The following ZAN variants were observed in gnomAD, a reference collection of about 807,000 sequenced individuals.
ZAN encodes the protein zonadhesin.
In ZAN, 260 loss-of-function variants were observed where a neutral mutation model predicts 286.2. The observed-to-expected ratio is 0.91, with a 90% CI of 0.82 to 1.01. ZAN has a LOEUF of 1.01. Among genes scored for constraint, ZAN ranks in the 50% least tolerant of loss-of-function variants. ZAN has a pLI of 0.00. For missense variants in ZAN, 3,410 were observed against 3,639.2 expected, an observed-to-expected ratio of 0.94 and a Z score of 1.62; for synonymous variants, 1,368 against 1,417.5, an observed-to-expected ratio of 0.97 and a Z score of 0.79.
rs774658180 is a variant in ZAN at position 100,797,592 on chromosome 7, G to A, written c.8382G>A (p.Glu2794=). Residue 2794 remains glutamate (E), a synonymous_variant, in exon 47 of 48, where the codon GAG becomes GAA. Coordinates refer to ENST00000613979, the MANE Select transcript of ZAN (RefSeq NM_003386.3). ...RTRRKREKTQ[E]GDRLARLVDT... is the part of the protein sequence containing the mutation. The stretch of plus-strand genomic sequence containing the variant: ...TGCCTTCTAGAGAGAAAACGCAGGA[G>A]GGAGACAGACTGGCCAGGCTGGTGG... 1 of 1,613,912 alleles carries A rather than the reference G, an allele frequency of 6.2e-7. No homozygotes were observed.
In ZAN at chr7:100,791,910, C is replaced by T; in HGVS notation, c.7530-56C>T. The T allele has an allele frequency of 2.6e-6, 4 of 1,537,356 alleles. No homozygotes were observed. The Admixed American group carries it at 6.0e-5, about 23-fold the overall frequency. On this transcript the variant is annotated intron_variant, in intron 40 of 47. Transcript: ENST00000613979. ...GCCCGGCTAATCAGTTCTTCTTCTT[C>T]CCCCACTTCACCTTCCTTGGGGCCT...
Position 100,759,723 on chromosome 7 carries a change from C to G in ZAN, c.3574C>G (p.Pro1192Ala), listed in dbSNP as rs768558837. 3.8e-6 allele frequency: 6 copies of G among 1,585,200 alleles called. No homozygotes were observed. The South Asian group carries it at 5.8e-5, about 15-fold the overall frequency. The change falls in exon 18 of 48, where the codon CCA (proline) becomes GCA (alanine). Residue 1192 changes from proline (P) to alanine (A), a missense_variant and splice_region_variant. This residue lies in a region of ZAN where 1,042 missense variants were observed against 1,058.0 expected (regional missense o/e 0.98). Coordinates refer to ENST00000613979, the MANE Select transcript of ZAN (RefSeq NM_003386.3). Reference protein sequence around the residue: ...LAQPCGNSTDPFFRVTAKNEE... With the variant: ...LAQPCGNSTDAFFRVTAKNEE... ...TCTTCATTCCTCTCCCTACCCAGACCCATTCTTCAGGGTGACAGCCAAGAA... is the reference window on the plus strand; with the variant it reads ...TCTTCATTCCTCTCCCTACCCAGACGCATTCTTCAGGGTGACAGCCAAGAA...
chr7:100,780,425 G>C (rs1811124416), intron 35 of ZAN, among the ~76,000 whole-genome samples: 1 of 151,890 alleles, frequency 6.6e-6, no homozygotes. Flanking sequence ...TATAATCTCA[G>C]CAATTTGGGA....
chr7:100,760,600 C>T, intron 19 of ZAN, 64 bp downstream of exon 19: 2 of 1,586,580 alleles, frequency 1.3e-6, no homozygotes, highest in Non-Finnish European at 1.7e-6. Context: ...GCTGCCTCTT[C>T]TTCCTGCTGC....
intron 23 of ZAN, among the ~76,000 whole-genome samples, 162 bp downstream of exon 23, chr7:100,765,716 T>C (rs1291562937): frequency 1.3e-5 from 2 of 152,258 alleles, no homozygotes; most frequent in African/African-American, 4.8e-5. Context: ...TGGCACGATC[T>C]CGGCTCACTG....
At chr7:100,760,734 T>G (rs540877135) in intron 19 of ZAN, among the ~76,000 whole-genome samples, 198 bp downstream of exon 19, 2 of 152,226 alleles carry the variant, frequency 1.3e-5, no homozygotes, top group African/African-American at 4.8e-5. Flanking sequence ...AGAAAATGGT[T>G]TCGGGGCATG....
At position 100,740,018 on chromosome 7, in the gene ZAN, C is replaced by T. The variant is rs974007517; in HGVS notation, c.766+1405C>T. ...GTCACATTCAGGACACATTTGAGCA[C>T]GAACTTGAAAAAGGTGAGGTAGTAG... On this transcript the variant is annotated intron_variant, in intron 7 of 47. Transcript: ENST00000613979. Among the ~76,000 whole-genome samples, 17 of 141,252 alleles carry T rather than the reference C, an allele frequency of 1.2e-4. 2 individuals carry two copies. Among genetic ancestry groups the T allele is most frequent in the Admixed American group, 1.4e-4 (2 of 14,186 alleles). The allele number at this position is 141,252 out of a possible 152,430, so 92.7% of individuals were successfully genotyped here.
Position 100,772,008 on chromosome 7 carries a change from A to T in ZAN, c.5413A>T (p.Arg1805Ter). The T allele has an allele frequency of 6.2e-7, 1 of 1,600,852 alleles. No homozygotes were observed. The highest frequency in any genetic ancestry group is 8.5e-7 in the Non-Finnish European group (1 of 1,175,968). ...QAGQAPAWRN[R>*]TFCPMRCPPG... ...TGGCCAGGCCCCTGCCTGGCGGAACAGAACCTTCTGCCGTGAGTGACTGGC... is the reference window on the plus strand; with the variant it reads ...TGGCCAGGCCCCTGCCTGGCGGAACTGAACCTTCTGCCGTGAGTGACTGGC... The change falls in exon 29 of 48, where the codon AGA becomes TGA. Residue 1805 changes from arginine (R) to a stop codon, truncating the protein, a stop_gained. Transcript: ENST00000613979. LOFTEE classifies it high-confidence loss of function.
intron 35 of ZAN, among the ~76,000 whole-genome samples, chr7:100,783,262 C>CT (rs1039584485): frequency 1.8e-4 from 27 of 151,982 alleles, no homozygotes; most frequent in African/African-American, 6.3e-4. Context: ...GAGCGAAACT[C>CT]TATCTCAAAA....
chr7:100,737,304 A>T lies in ZAN; in HGVS notation c.568A>T (p.Ile190Phe), dbSNP rs1200573012. ...GTRGSTAYLD[I>F]ALDALSIRRG... ...ACGGGGTAGCACTGCCTACCTGGAC[A>T]TCGCCCTGGATGCCCTCTCTATCCG... The change falls in exon 6 of 48, where the codon ATC (isoleucine) becomes TTC (phenylalanine). Residue 190 changes from isoleucine to phenylalanine, a missense_variant. By Grantham distance (21) the Ile-to-Phe change is conservative. Around this residue, in one of 7 missense-constraint regions of ZAN, gnomAD observed 872 missense variants for 938.9 expected, o/e 0.93. Transcript: ENST00000613979. 6.7e-7 allele frequency: 1 copy of T among 1,488,374 alleles called. No individual in the cohort carries two copies. Among genetic ancestry groups the T allele is most frequent in the African/African-American group, 1.4e-5 (1 of 70,164 alleles). The allele number at this position is 1,488,374 out of a possible 1,614,324, so 92.2% of individuals were successfully genotyped here. A position where few individuals can be genotyped will look rare whatever the true frequency, so the allele number is the denominator to read the frequency against.
At chr7:100,754,947 T>C (rs995665204) in intron 14 of ZAN, among the ~76,000 whole-genome samples, 1 of 151,812 alleles carries the variant, frequency 6.6e-6, no homozygotes, top group Non-Finnish European at 1.5e-5. Context: ...TAGCCTAAAA[T>C]TGTTTTATTT....
At chr7:100,760,255 C>T (rs1809460327) in intron 18 of ZAN, 136 bp from the exon 19 acceptor site, 4 of 1,182,850 alleles carry the variant, frequency 3.4e-6, no homozygotes, top group South Asian at 1.5e-5. Context: ...GAGGAAGCTC[C>T]AGTCCACTCC....
intron 39 of ZAN, among the ~76,000 whole-genome samples, chr7:100,789,666 C>T (rs998152722): frequency 1.3e-4 from 19 of 151,862 alleles, no homozygotes; most frequent in Admixed American, 2.0e-4. Context: ...TTTTAAAGGC[C>T]GTGCACAGTG....
At chr7:100,742,227 T>C (rs1277945701) in intron 7 of ZAN, among the ~76,000 whole-genome samples, 1 of 112,266 alleles carries the variant, frequency 8.9e-6, no homozygotes, top group Non-Finnish European at 1.9e-5. Context: ...ACATCCCAGA[T>C]GGGGCGGTGG....
rs775392870 is a variant in ZAN, at chr7:100,750,673, A to C, written c.1298A>C (p.Gln433Pro). Residue 433 changes from glutamine to proline, a missense_variant, in exon 12 of 48, where the codon CAG becomes CCG. Gln to Pro is a moderately conservative substitution (Grantham distance 76). This residue lies in a region of ZAN where 872 missense variants were observed against 938.9 expected (regional missense o/e 0.93). Transcript: ENST00000613979. ...LEADEFSQAGQSVRLVSRPFC... is the reference protein window; with the variant it reads ...LEADEFSQAGPSVRLVSRPFC... The stretch of plus-strand genomic sequence containing the variant: ...GCTGACGAGTTCTCCCAGGCAGGCC[A>C]GTCAGTCAGACTGGTGAGCCGGCCC... 4 of 1,613,342 alleles carry C rather than the reference A, an allele frequency of 2.5e-6. No homozygotes were observed. Among genetic ancestry groups the C allele is most frequent in the South Asian group, 2.2e-5 (2 of 90,920 alleles).
At chr7:100,783,318 T>C (rs1811311814) in intron 35 of ZAN, among the ~76,000 whole-genome samples, 1 of 152,100 alleles carries the variant, frequency 6.6e-6, no homozygotes. Flanking sequence ...AAACGACTTA[T>C]GGAGGGCCAT....
rs1808662554 is a variant in ZAN, at chr7:100,751,517, AC to A, written c.1607-192del. Among the ~76,000 whole-genome samples the A allele has an allele frequency of 2.0e-5, 3 of 152,182 alleles. No homozygotes were observed. The South Asian group carries it at 6.2e-4, about 32-fold the overall frequency. ...CTTCCTCTGCAGTCTTGAAGGCTGG[AC>A]CCATATCCTATTCATTTCTGGCATA... On this transcript the variant is annotated intron_variant, in intron 13 of 47. Coordinates refer to ENST00000613979, the MANE Select transcript of ZAN (RefSeq NM_003386.3).
intron 28 of ZAN, among the ~76,000 whole-genome samples, chr7:100,771,409 G>T (rs1421990195): frequency 6.6e-6 from 1 of 151,724 alleles, no homozygotes; most frequent in Non-Finnish European, 1.5e-5. Context: ...TATTGCTCAG[G>T]CTGGAAAATC....
Position 100,769,929 on chromosome 7 carries a change from G to T in ZAN, c.5203G>T (p.Ala1735Ser). 6.4e-7 allele frequency: 1 copy of T among 1,566,972 alleles called. No individual in the cohort carries two copies. The highest frequency in any genetic ancestry group is 2.4e-5 in the East Asian group (1 of 42,344). Residue 1735 changes from alanine (A) to serine (S), a missense_variant, in exon 28 of 48, where the codon GCA becomes TCA. By Grantham distance (99) the Ala-to-Ser change is moderately conservative (BLOSUM62 1). Transcript: ENST00000613979. ...KPSSCQENSM[A>S]DAWNKNCAIL... ...CTCCAGCTGCCAGGAGAACAGCATG[G>T]CAGACGCCTGGAACAAGAACTGTGC...
Sources: allele counts gnomAD v4.1 joint callset (sites outside exome capture counted in the v4.1 genomes callset), GRCh38; gene constraint gnomAD v4.1.1; regional missense constraint gnomAD v4.1.1; transcripts MANE v1.5; gene names NCBI Gene and HGNC (gene_info 2026-07-23, HGNC 2026-07-21).